DSC2: variants seen among roughly 807,000 people sequenced by gnomAD.
The protein encoded by DSC2 is desmocollin 2.
In DSC2, 51 loss-of-function variants were observed where a neutral mutation model predicts 87.6. The observed-to-expected ratio is 0.58, with a 90% confidence interval of 0.46 to 0.74. The LOEUF (loss-of-function observed/expected upper bound fraction) is 0.74. Among genes scored for constraint, DSC2 ranks in the 30% least tolerant of loss-of-function variants. The pLI is 0.00. For missense variants in DSC2, 1,066 were observed against 1,089.5 expected (o/e 0.98, Z 0.30); for synonymous variants, 383 against 393.2 (o/e 0.97, Z 0.31).
intron 9 of DSC2, among the ~76,000 whole-genome samples, chr18:31,080,985 G>A (rs568409871): frequency 5.5e-4 from 84 of 152,042 alleles, no homozygotes; most frequent in Non-Finnish European, 1.0e-3. Context: ...TTTAAGATAA[G>A]TAGTATAACA....
chr18:31,071,365 A>G (rs1335014786), intron 13 of DSC2, among the ~76,000 whole-genome samples: 2 of 151,952 alleles, frequency 1.3e-5, no homozygotes, highest in African/African-American at 2.4e-5. Flanking sequence ...TGGCCAACAC[A>G]GTGAAATCCA....
chr18:31,087,851 A>G (rs1260615756), intron 5 of DSC2, 38 bp from the exon 6 acceptor site: 1 of 1,607,576 alleles, frequency 6.2e-7, no homozygotes. Context: ...AGTGAAAATA[A>G]TCTTTTAAAA....
intron 9 of DSC2, among the ~76,000 whole-genome samples, chr18:31,081,197 A>T (rs563571220): frequency 3.9e-5 from 6 of 152,336 alleles, no homozygotes; most frequent in East Asian, 1.9e-4. Context: ...AAATTTTTTT[A>T]AAATGCTTTT....
chr18:31,071,936 G>A, intron 12 of DSC2, 95 bp from the exon 13 acceptor site: 2 of 1,136,714 alleles, frequency 1.8e-6, no homozygotes, highest in South Asian at 2.6e-5. Context: ...TATTTTCCTA[G>A]AAACAGATAT....
At chr18:31,081,575 C>T (rs1007787903) in intron 9 of DSC2, among the ~76,000 whole-genome samples, 3 of 152,050 alleles carry the variant, frequency 2.0e-5, no homozygotes, top group Admixed American at 6.6e-5. Flanking sequence ...ATTTTTTAAT[C>T]CATGGTCCTT....
At chr18:31,093,711 A>T in intron 1 of DSC2, 68 bp from the exon 2 acceptor site, 2 of 745,522 alleles carry the variant, frequency 2.7e-6, no homozygotes, top group Non-Finnish European at 3.6e-6. Flanking sequence ...TATATTATTT[A>T]TATAAATTAT....
rs2144779968 is a variant in DSC2 at position 31,067,826 on chromosome 18, A to C, written c.*189T>G. On this transcript the variant is annotated 3_prime_UTR_variant, in exon 16 of 16. Coordinates refer to ENST00000280904, the MANE Select transcript of DSC2 (RefSeq NM_024422.6). ...AAGATAAGTAATTTAAAAATATGTA[A>C]AAATTGAAAAATTTGTGTACTTGTT... 1 of 596,732 alleles carries C rather than the reference A, an allele frequency of 1.7e-6. No homozygotes were observed. The highest frequency in any genetic ancestry group is 2.1e-5 in the South Asian group (1 of 46,738). The allele number at this position is 596,732 out of a possible 1,614,324, so 37.0% of individuals were successfully genotyped here. A position where few individuals can be genotyped will look rare whatever the true frequency, so the allele number is the denominator to read the frequency against.
At position 31,101,902 on chromosome 18, in the gene DSC2, C is replaced by T. The variant is rs1245669690; in HGVS notation, c.69+1G>A. On this transcript the variant is annotated splice_donor_variant, in intron 1 of 15. Coordinates refer to ENST00000280904, the MANE Select transcript of DSC2 (RefSeq NM_024422.6). LOFTEE classifies it high-confidence loss of function. ...GGAGCGGTGGCCGCGGCTACACTCACCGCGAGGGTCAGCAGGAGCAGCCGG... is the reference window on the plus strand; with the variant it reads ...GGAGCGGTGGCCGCGGCTACACTCATCGCGAGGGTCAGCAGGAGCAGCCGG... 2 of 1,531,586 alleles carry T rather than the reference C, an allele frequency of 1.3e-6. No homozygotes were observed. The highest frequency in any genetic ancestry group is 2.5e-5 in the East Asian group (1 of 40,118). 94.9% of individuals were successfully genotyped at this position (1,531,586 alleles called of 1,614,324 possible). A position where few individuals can be genotyped will look rare whatever the true frequency, so the allele number is the denominator to read the frequency against.
chr18:31,065,064 GCCT>G lies in DSC2; in HGVS notation c.*2948_*2950del, dbSNP rs1986581446. 1 of 152,160 alleles carries G rather than the reference GCCT, an allele frequency of 6.6e-6. No individual in the cohort carries two copies. The highest frequency in any genetic ancestry group is 1.5e-5 in the Non-Finnish European group (1 of 68,044). The allele number at this position is 152,160 out of a possible 1,614,324, so 9.4% of individuals were successfully genotyped here. ...TCTTCGGGAAACTCTTTATGATTTT[GCCT>G]CCTCGAGAATTTTACCTGCCTTTTC... is the stretch of plus-strand genomic sequence containing the variant. On this transcript the variant is annotated 3_prime_UTR_variant, in exon 16 of 16. Transcript: ENST00000280904.
intron 1 of DSC2, among the ~76,000 whole-genome samples, chr18:31,096,416 A>G (rs935808209): frequency 1.3e-5 from 2 of 152,160 alleles, no homozygotes; most frequent in African/African-American, 4.8e-5. Flanking sequence ...AGGAGAATGA[A>G]ATCAAAGCAC....
rs767301887 is a variant in DSC2, at chr18:31,086,693, C to T, written c.825G>A (p.Thr275=). ...VCATDKDEPD[T]MHTRLKYSII... ...TGGAGTACTTCAGGCGTGTGTGCAT[C>T]GTGTCAGGCTCATCTTTGTCAGTAG... Residue 275 remains threonine, a synonymous_variant, in exon 7 of 16, where the codon ACG becomes ACA. Coordinates refer to ENST00000280904, the MANE Select transcript of DSC2 (RefSeq NM_024422.6). 12 of 1,613,962 alleles carry T rather than the reference C, an allele frequency of 7.4e-6. No homozygotes were observed. Among genetic ancestry groups the T allele is most frequent in the East Asian group, 2.2e-5 (1 of 44,876 alleles).
At position 31,082,313 on chromosome 18, in the gene DSC2, T is replaced by G; in HGVS notation, c.1188A>C (p.Leu396Phe). Residue 396 changes from leucine to phenylalanine, a missense_variant, in exon 9 of 16, where the codon TTA (leucine) becomes TTC (phenylalanine). Transcript: ENST00000280904. ...TANWRANYTI[L>F]KGNENGNFKI... ...TAAAATTGCCATTTTCATTGCCCTTTAAAATGGTATAATTAGCTCTCCAGT... is the reference window on the plus strand; with the variant it reads ...TAAAATTGCCATTTTCATTGCCCTTGAAAATGGTATAATTAGCTCTCCAGT... The G allele has an allele frequency of 6.2e-7, 1 of 1,613,928 alleles. No homozygotes were observed.
At position 31,082,328 on chromosome 18, in the gene DSC2, A is replaced by C. The variant is rs142364935; in HGVS notation, c.1173T>G (p.Ala391=). Residue 391 remains alanine, a synonymous_variant, in exon 9 of 16, where the codon GCT becomes GCG. Transcript: ENST00000280904. ...KDLVNTANWR[A]NYTILKGNEN... is the part of the protein sequence containing the mutation. ...CATTGCCCTTTAAAATGGTATAATT[A>C]GCTCTCCAGTTAGCAGTATTCACTA... The C allele has an allele frequency of 6.2e-7, 1 of 1,613,856 alleles. No individual in the cohort carries two copies.
chr18:31,086,853 G>A (rs2144831315), intron 6 of DSC2, 111 bp from the exon 7 acceptor site: 1 of 1,171,866 alleles, frequency 8.5e-7, no homozygotes, highest in Non-Finnish European at 1.2e-6. Flanking sequence ...ATTATTACAT[G>A]GCAAAGTCAT....
chr18:31,088,647 A>G (rs1422839814), intron 5 of DSC2, among the ~76,000 whole-genome samples: 1 of 152,192 alleles, frequency 6.6e-6, no homozygotes, highest in Non-Finnish European at 1.5e-5. Context: ...GCATTAGGTT[A>G]AATTCTTTCA....
intron 7 of DSC2, among the ~76,000 whole-genome samples, chr18:31,085,990 C>T (rs1277830141): frequency 6.6e-6 from 1 of 151,900 alleles, no homozygotes; most frequent in Non-Finnish European, 1.5e-5. Flanking sequence ...CAAGAGACAT[C>T]AAATACAATT....
chr18:31,093,754 A>G (rs933716411), intron 1 of DSC2, 111 bp from the exon 2 acceptor site: 1 of 326,624 alleles, frequency 3.1e-6, no homozygotes, highest in Non-Finnish European at 4.8e-6. Flanking sequence ...AAAAAGGCAT[A>G]TAATACTTAT....
chr18:31,078,078 G>A (rs958162534), intron 11 of DSC2, among the ~76,000 whole-genome samples: 3 of 152,110 alleles, frequency 2.0e-5, no homozygotes, highest in East Asian at 1.9e-4. Flanking sequence ...CAATTGCTGC[G>A]GAGATGTAGG....
At chr18:31,098,142 T>C (rs1987821372) in intron 1 of DSC2, among the ~76,000 whole-genome samples, 2 of 152,192 alleles carry the variant, frequency 1.3e-5, no homozygotes, top group Admixed American at 6.5e-5. Context: ...GAAGTATGTA[T>C]ATATGTACTC....
Sources: allele counts gnomAD v4.1 joint callset (sites outside exome capture counted in the v4.1 genomes callset), GRCh38; gene constraint gnomAD v4.1.1; transcripts MANE v1.5; gene names NCBI Gene and HGNC (gene_info 2026-07-23, HGNC 2026-07-21).